The following LY96 variants were observed in gnomAD, a reference collection of about 807,000 sequenced individuals.
LY96 encodes lymphocyte antigen 96, also known as myeloid differentiation protein-2.
In LY96, 18 loss-of-function variants were observed where a neutral mutation model predicts 18.9. That is an observed-to-expected ratio of 0.95 (90% CI 0.66 to 1.41). LY96 has a LOEUF of 1.41. LY96 is among the 40% of genes most tolerant of loss of function. The pLI, the probability that LY96 is intolerant of heterozygous loss-of-function variation, is 0.00. For synonymous variants in LY96, 66 were observed against 62.6 expected (o/e 1.06, Z -0.26); for missense variants, 175 against 182.4 (o/e 0.96, Z 0.23).
intron 1 of LY96, among the ~76,000 whole-genome samples, chr8:73,996,270 T>G (rs1816122843): frequency 6.6e-6 from 1 of 152,114 alleles, no homozygotes; most frequent in African/African-American, 2.4e-5. Context: ...TCCAAAGTGC[T>G]GGAATTACAT....
chr8:74,015,556 C>A (rs1344789695), intron 3 of LY96, among the ~76,000 whole-genome samples: 1 of 152,182 alleles, frequency 6.6e-6, no homozygotes, highest in Non-Finnish European at 1.5e-5. Flanking sequence ...GACTAGGGCC[C>A]ACCCTAATGA....
chr8:73,993,988 G>GT (rs534972696), intron 1 of LY96, among the ~76,000 whole-genome samples: 1,873 of 147,288 alleles, frequency 0.013, 30 homozygotes, highest in African/African-American at 0.04. Context: ...TGACTTTCTA[G>GT]TTTTTTTTTT....
At chr8:74,060,653 A>G in the LY96 span, among the ~76,000 whole-genome samples, 45 of 152,352 alleles carry the variant, frequency 3.0e-4, no homozygotes. Flanking sequence ...CTGCACAGGC[A>G]TAGCCCTCTC....
Position 74,002,054 on chromosome 8 carries a change from C to CTTTCTTT in LY96, c.113-2742_113-2741insTTTCTTT, listed in dbSNP as rs1491376019. Among the ~76,000 whole-genome samples the CTTTCTTT allele has an allele frequency of 8.0e-4, 24 of 29,920 alleles. 2 individuals carry two copies. The highest frequency in any genetic ancestry group is 4.7e-3 in the East Asian group (6 of 1,276). 19.6% of individuals were successfully genotyped at this position (29,920 alleles called of 152,430 possible). ...TCCTTCCTTCCTTCCTTCCTTCCTT[C>CTTTCTTT]CTTCCTTCCTTCCTTCCTTCCTTTC... On this transcript the variant is annotated intron_variant, in intron 1 of 4. Transcript: ENST00000284818.
the LY96 span, among the ~76,000 whole-genome samples, chr8:74,069,067 T>A: frequency 3.3e-5 from 5 of 152,350 alleles, no homozygotes; most frequent in South Asian, 1.0e-3. Flanking sequence ...ATTACAGGTG[T>A]GAGCCATTGC....
At chr8:74,002,371 G>C (rs1250355315) in intron 1 of LY96, among the ~76,000 whole-genome samples, 1 of 151,408 alleles carries the variant, frequency 6.6e-6, no homozygotes, top group Non-Finnish European at 1.5e-5. Context: ...CTGGTTGGTG[G>C]TGTCTCACCA....
chr8:74,002,012 T>G (rs1586648515), intron 1 of LY96, among the ~76,000 whole-genome samples: 5 of 9,824 alleles, frequency 5.1e-4, no homozygotes, highest in Admixed American at 3.3e-3. Context: ...CCTTTCTTCC[T>G]TCCTTCCTTC....
At chr8:74,056,982 A>G in the LY96 span, among the ~76,000 whole-genome samples, 1 of 152,214 alleles carries the variant, frequency 6.6e-6, no homozygotes, top group Non-Finnish European at 1.5e-5. Context: ...CAACTAAGTT[A>G]TTATATAAGC....
chr8:74,096,207 T>G, the LY96 span, among the ~76,000 whole-genome samples: 1 of 152,202 alleles, frequency 6.6e-6, no homozygotes, highest in African/African-American at 2.4e-5. Context: ...TTAGCTGGTC[T>G]TCAAGCTTCC....
chr8:74,030,533 G>C (rs1433645277), downstream of LY96, among the ~76,000 whole-genome samples: 1 of 152,144 alleles, frequency 6.6e-6, no homozygotes, highest in Non-Finnish European at 1.5e-5. Context: ...CAAAAGGATG[G>C]GGTCTTTTCT....
the LY96 span, among the ~76,000 whole-genome samples, chr8:74,096,725 C>T: frequency 1.3e-5 from 2 of 152,192 alleles, no homozygotes; most frequent in Admixed American, 1.3e-4. Context: ...ACCCCAGCAC[C>T]TATGATGGTA....
chr8:74,048,748 C>G, the LY96 span: 1 of 146,374 alleles, frequency 6.8e-6, no homozygotes, highest in Non-Finnish European at 1.5e-5. Flanking sequence ...CCCAGCGCAA[C>G]GGTGACATGC....
intron 1 of LY96, among the ~76,000 whole-genome samples, chr8:74,002,917 T>C (rs1052954497): frequency 5.3e-5 from 8 of 152,192 alleles, no homozygotes; most frequent in Non-Finnish European, 7.3e-5. Flanking sequence ...ATGTTTTCTT[T>C]CTTCTTGTTG....
intron 1 of LY96, among the ~76,000 whole-genome samples, chr8:73,996,345 C>CTTCCTTCCTTCT (rs1563707625): frequency 4.6e-5 from 6 of 130,180 alleles, no homozygotes; most frequent in Non-Finnish European, 9.9e-5. Context: ...TCCTTCCTTC[C>CTTCCTTCCTTCT]TTCCTTCCTT....
At chr8:74,075,237 A>G in the LY96 span, among the ~76,000 whole-genome samples, 2 of 152,324 alleles carry the variant, frequency 1.3e-5, no homozygotes, top group South Asian at 2.1e-4. Context: ...TTATATAGAG[A>G]ATCTAGACTT....
the LY96 span, among the ~76,000 whole-genome samples, chr8:74,082,546 C>A: frequency 1.3e-5 from 2 of 152,094 alleles, no homozygotes; most frequent in Non-Finnish European, 2.9e-5. Flanking sequence ...TTTAAAAAAA[C>A]CCCAAACACC....
chr8:74,046,064 A>AG, the LY96 span, among the ~76,000 whole-genome samples: 1 of 152,312 alleles, frequency 6.6e-6, no homozygotes, highest in East Asian at 1.9e-4. Flanking sequence ...GGATCACCTG[A>AG]GGTCAGGAGT....
At chr8:74,026,630 A>G (rs548436053) in intron 3 of LY96, among the ~76,000 whole-genome samples, 159 bp from the exon 4 acceptor site, 33 of 152,334 alleles carry the variant, frequency 2.2e-4, no homozygotes, top group African/African-American at 6.0e-4. Flanking sequence ...AAAGGAAGCC[A>G]CAGGAGAATA....
At chr8:74,091,196 C>T in the LY96 span, among the ~76,000 whole-genome samples, 1 of 152,132 alleles carries the variant, frequency 6.6e-6, no homozygotes, top group Non-Finnish European at 1.5e-5. Context: ...TCTATGAACA[C>T]TTTTTGGATA....
Sources: allele counts gnomAD v4.1 joint callset (sites outside exome capture counted in the v4.1 genomes callset), GRCh38; gene constraint gnomAD v4.1.1; transcripts MANE v1.5; gene names NCBI Gene and HGNC (gene_info 2026-07-23, HGNC 2026-07-21).